The following GLIS1 variants were observed in gnomAD, a reference collection of about 807,000 sequenced individuals.
The protein encoded by GLIS1 is GLIS family zinc finger 1.
GLIS1 carries 24 observed loss-of-function variants against 63.8 expected under a neutral mutation model. The ratio of observed to expected loss-of-function variants is 0.38; its 90% confidence interval spans 0.27 to 0.53. GLIS1 has a LOEUF of 0.53. Among genes scored for constraint, GLIS1 ranks in the 20% least tolerant of loss-of-function variants. The pLI is 0.85. For missense variants in GLIS1, 1,036 were observed against 1,074.1 expected (o/e 0.96, Z 0.50); for synonymous variants, 450 against 482.5 (o/e 0.93, Z 0.88).
At position 53,594,844 on chromosome 1, in the gene GLIS1, A is replaced by C. The variant is rs1446579629; in HGVS notation, c.584T>G (p.Leu195Arg). 2 of 1,599,392 alleles carry C rather than the reference A, an allele frequency of 1.3e-6. No individual in the cohort carries two copies. The highest frequency in any genetic ancestry group is 1.9e-4 in the Middle Eastern group (1 of 5,148). ...AHCRGPLATG[L>R]HPDLDLPGRS... Reference sequence around the variant, plus strand: ...GCCCGGGAGGTCCAGGTCTGGGTGCAGGCCAGTGGCCAGCGGGCCCCGACA... The same window carrying C: ...GCCCGGGAGGTCCAGGTCTGGGTGCCGGCCAGTGGCCAGCGGGCCCCGACA... Residue 195 changes from leucine to arginine, a missense_variant, in exon 4 of 11, where the codon CTG becomes CGG. By Grantham distance (102) the Leu-to-Arg change is moderately radical (BLOSUM62 -2). This residue lies in a region of GLIS1 where 592 missense variants were observed against 593.9 expected (regional missense o/e 1.00). Transcript: ENST00000628545.
At chr1:53,633,053 G>A (rs1455657889) in intron 2 of GLIS1, among the ~76,000 whole-genome samples, 5 of 146,430 alleles carry the variant, frequency 3.4e-5, no homozygotes, top group Admixed American at 3.4e-4. Context: ...GTGACCGAGG[G>A]GCGTGTGTAT....
chr1:53,553,578 A>G (rs12729583), intron 4 of GLIS1, among the ~76,000 whole-genome samples: 5 of 152,220 alleles, frequency 3.3e-5, no homozygotes, highest in Admixed American at 2.6e-4. Context: ...AATGAGTAAG[A>G]CAATGTCAGA....
At chr1:53,507,091 C>G (rs11206168) in intron 10 of GLIS1, among the ~76,000 whole-genome samples, 5 of 151,846 alleles carry the variant, frequency 3.3e-5, no homozygotes, top group African/African-American at 1.2e-4. Context: ...AAGAGAGGAG[C>G]AGGGTAGGAG....
At chr1:53,664,342 C>T (rs59476366) in intron 2 of GLIS1, among the ~76,000 whole-genome samples, 2,890 of 152,286 alleles carry the variant, frequency 0.019, 82 homozygotes, top group African/African-American at 0.065. Context: ...AGTCAGAGTA[C>T]GATGTACTGC....
In GLIS1 at chr1:53,694,661, G is replaced by A. The variant is rs546952919; in HGVS notation, c.259+43145C>T. Among the ~76,000 whole-genome samples the A allele has an allele frequency of 2.0e-5, 3 of 152,322 alleles. No individual in the cohort carries two copies. The East Asian group carries it at 5.8e-4, about 29-fold the overall frequency. On this transcript the variant is annotated intron_variant, in intron 2 of 10. Transcript: ENST00000628545. ...GTGTGGCCTTGGGCAGGCTGCTCAAGGGCTCGGACCTGGGACTTGGGGTAG... is the reference window on the plus strand; with the variant it reads ...GTGTGGCCTTGGGCAGGCTGCTCAAAGGCTCGGACCTGGGACTTGGGGTAG...
chr1:53,729,739 A>G (rs1267409525), intron 2 of GLIS1, among the ~76,000 whole-genome samples: 1 of 152,178 alleles, frequency 6.6e-6, no homozygotes, highest in African/African-American at 2.4e-5. Flanking sequence ...AGATCACTAA[A>G]TGCTTTGCTT....
chr1:53,539,657 C>T lies in GLIS1; in HGVS notation c.1321-9705G>A, dbSNP rs888791867. Reference sequence around the variant, plus strand: ...ACATGTTCACACATATACCCAAAGACGTCCAAGCCCCAGACCTGCCACATT... The same window carrying T: ...ACATGTTCACACATATACCCAAAGATGTCCAAGCCCCAGACCTGCCACATT... On this transcript the variant is annotated intron_variant, in intron 4 of 10. Coordinates refer to ENST00000628545, the MANE Select transcript of GLIS1 (RefSeq NM_001367484.1). The surrounding 1 kb of genome is among the most constrained non-coding windows in gnomAD (Gnocchi z 5.0). Among the ~76,000 whole-genome samples, 9 of 152,052 alleles carry T rather than the reference C, an allele frequency of 5.9e-5. No homozygotes were observed. The highest frequency in any genetic ancestry group is 1.9e-4 in the African/African-American group (8 of 41,386).
intron 2 of GLIS1, among the ~76,000 whole-genome samples, chr1:53,627,067 C>T (rs1201330272): frequency 4.6e-5 from 7 of 152,228 alleles, no homozygotes; most frequent in African/African-American, 9.6e-5. Flanking sequence ...CCTAGGCCCT[C>T]GTTCCGGGTC....
At chr1:53,569,686 T>C (rs553508644) in intron 4 of GLIS1, among the ~76,000 whole-genome samples, 2 of 152,194 alleles carry the variant, frequency 1.3e-5, no homozygotes, top group African/African-American at 2.4e-5. Flanking sequence ...AAAGTCTATA[T>C]AGAAATATCA....
intron 4 of GLIS1, among the ~76,000 whole-genome samples, chr1:53,557,025 G>A (rs1644842001): frequency 6.6e-6 from 1 of 151,816 alleles, no homozygotes; most frequent in South Asian, 2.1e-4. Flanking sequence ...GTGTGTGCAG[G>A]TTTACTACAG....
chr1:53,529,863 C>T lies in GLIS1; in HGVS notation c.1410G>A (p.Gln470=). ...TGAAGGCCTTCTGGCAACCCGGGTG[C>T]TGGCACAGGTACGGCTTCTCGCCCG... ...SHTGEKPYLC[Q]HPGCQKAFSN... is the part of the protein sequence containing the mutation. Residue 470 remains glutamine, a synonymous_variant, in exon 5 of 11, where the codon CAG becomes CAA. Coordinates refer to ENST00000628545, the MANE Select transcript of GLIS1 (RefSeq NM_001367484.1). 2 of 1,613,922 alleles carry T rather than the reference C, an allele frequency of 1.2e-6. No homozygotes were observed. The highest frequency in any genetic ancestry group is 1.7e-6 in the Non-Finnish European group (2 of 1,179,986).
At chr1:53,550,128 C>T (rs1014922549) in intron 4 of GLIS1, among the ~76,000 whole-genome samples, 9 of 152,184 alleles carry the variant, frequency 5.9e-5, no homozygotes, top group South Asian at 2.1e-4. Flanking sequence ...CAATTTTATT[C>T]GCAAAGAAGT....
chr1:53,587,798 G>A lies in GLIS1; in HGVS notation c.1320+6310C>T, dbSNP rs188731642. ...TTCTGTGACCCCAGGACCCAGCCAG[G>A]GGGCACACAGCAGGTGCTTAGTGAC... On this transcript the variant is annotated intron_variant, in intron 4 of 10. Transcript: ENST00000628545. 2.6e-5 allele frequency among the ~76,000 whole-genome samples: 4 copies of A among 152,350 alleles called. No individual in the cohort carries two copies. The East Asian group carries it at 5.8e-4, about 22-fold the overall frequency.
intron 4 of GLIS1, among the ~76,000 whole-genome samples, chr1:53,569,295 G>A (rs187188691): frequency 1.5e-3 from 229 of 152,192 alleles, no homozygotes; most frequent in African/African-American, 4.1e-3. Context: ...GTAAACTATG[G>A]ACTTTGGGTG....
intron 8 of GLIS1, among the ~76,000 whole-genome samples, chr1:53,512,332 G>A (rs994415496): frequency 3.9e-5 from 6 of 152,154 alleles, no homozygotes. Flanking sequence ...TCACTAGCCT[G>A]GCAGACTGAG....
intron 4 of GLIS1, among the ~76,000 whole-genome samples, chr1:53,577,366 C>A (rs1645042668): frequency 6.6e-6 from 1 of 152,194 alleles, no homozygotes; most frequent in Non-Finnish European, 1.5e-5. Context: ...CCCACCCCAC[C>A]CCATGCATCT....
chr1:53,701,714 T>C (rs75885517), intron 2 of GLIS1, among the ~76,000 whole-genome samples: 14,803 of 152,212 alleles, frequency 0.097, 914 homozygotes, highest in Middle Eastern at 0.18. Flanking sequence ...AGAACTGGGT[T>C]GGGTGTGGTG....
chr1:53,509,876 G>A lies in GLIS1; in HGVS notation c.2035C>T (p.Pro679Ser). 3 of 1,307,272 alleles carry A rather than the reference G, an allele frequency of 2.3e-6. No homozygotes were observed. The highest frequency in any genetic ancestry group is 2.9e-6 in the Non-Finnish European group (3 of 1,019,404). The allele number at this position is 1,307,272 out of a possible 1,614,324, so 81.0% of individuals were successfully genotyped here. ...KPSYPPFQSP[P>S]PPPLPSPQGY... ...TGTGGGCTGGGCAGAGGCGGGGGTG[G>A]AGGGCTCTGGAAGGGTGGGTAGGAC... Residue 679 changes from proline to serine, a missense_variant, in exon 9 of 11, where the codon CCA (proline) becomes TCA (serine). Pro to Ser is a moderately conservative substitution (Grantham distance 74, BLOSUM62 -1). Transcript: ENST00000628545.
intron 2 of GLIS1, among the ~76,000 whole-genome samples, chr1:53,732,939 G>A (rs944082410): frequency 2.0e-5 from 3 of 152,112 alleles, no homozygotes; most frequent in Admixed American, 6.5e-5. Flanking sequence ...AGAAGGAAGG[G>A]AAATTATCCT....
Sources: gnomAD v4.1 joint callset for allele counts (sites outside exome capture counted in the v4.1 genomes callset) on GRCh38, gnomAD v4.1.1 for gene constraint, gnomAD v4.1.1 regional missense constraint, Gnocchi (gnomAD v3.1) non-coding constraint, MANE v1.5 for transcripts, NCBI Gene and HGNC (gene_info 2026-07-23, HGNC 2026-07-21) for gene names.